Variants in FBLN2 observed in about 807,000 individuals in gnomAD.
FBLN2 encodes fibulin 2.
In FBLN2, 81 loss-of-function variants were observed where a neutral mutation model predicts 123.7. The observed-to-expected ratio is 0.65, with a 90% CI of 0.55 to 0.79. FBLN2 has a LOEUF of 0.79. Ranked by LOEUF, FBLN2 falls within the 30% of genes least tolerant of loss-of-function variation. FBLN2 has a pLI of 0.00. For missense variants in FBLN2, 1,603 were observed against 1,681.3 expected, an observed-to-expected ratio of 0.95 and a Z score of 0.81; for synonymous variants, 699 against 701.4, an observed-to-expected ratio of 1.00 and a Z score of 0.05.
At chr3:13,619,584 G>A (rs1301154867) in intron 7 of FBLN2, 146 bp from the exon 8 acceptor site, 6 of 659,948 alleles carry the variant, frequency 9.1e-6, no homozygotes, top group Admixed American at 8.8e-5. Flanking sequence ...GACCAGGAGT[G>A]GCGTTCCTTG....
chr3:13,631,130 C>G (rs3773256), intron 15 of FBLN2, among the ~76,000 whole-genome samples, 199 bp from the exon 16 acceptor site: 40,786 of 152,142 alleles, frequency 0.27, 6,093 homozygotes, highest in African/African-American at 0.39. Flanking sequence ...CGGAGCAGCC[C>G]TAGGGCATAA....
rs1705492166 is a variant in FBLN2 at position 13,614,019 on chromosome 3, G to A, written c.1584G>A (p.Val528=). The A allele has an allele frequency of 6.2e-7, 1 of 1,613,218 alleles. No homozygotes were observed. Among genetic ancestry groups the A allele is most frequent in the South Asian group, 1.1e-5 (1 of 91,080 alleles). Residue 528 remains valine, a synonymous_variant, in exon 5 of 18, where the codon GTG becomes GTA. Coordinates refer to ENST00000404922, the MANE Select transcript of FBLN2 (RefSeq NM_001004019.2). ...CCDCCGLGLR[V]RAEGQSCESN... is the part of the protein sequence containing the mutation. ...ACTGCTGTGGCCTGGGCCTCCGCGT[G>A]CGGGCCGAGGGCCAGTCGTGTGAGT...
intron 2 of FBLN2, among the ~76,000 whole-genome samples, chr3:13,599,652 A>T (rs1333790877): frequency 6.6e-6 from 1 of 151,648 alleles, no homozygotes; most frequent in East Asian, 1.9e-4. Context: ...TGGCTGGTGG[A>T]CTGAGATGCC....
intron 1 of FBLN2, among the ~76,000 whole-genome samples, chr3:13,564,427 C>T (rs756612630): frequency 6.6e-5 from 10 of 152,218 alleles, no homozygotes; most frequent in Non-Finnish European, 4.4e-5. Context: ...GCCATACTGG[C>T]GCCAACCTGA....
intron 1 of FBLN2, among the ~76,000 whole-genome samples, chr3:13,550,949 A>G (rs1703305422): frequency 6.6e-6 from 1 of 152,178 alleles, no homozygotes; most frequent in Non-Finnish European, 1.5e-5. Flanking sequence ...TTTCACGTAA[A>G]AGTCCGGATT....
At chr3:13,564,716 C>CT (rs1252169445) in intron 1 of FBLN2, among the ~76,000 whole-genome samples, 2 of 152,238 alleles carry the variant, frequency 1.3e-5, no homozygotes, top group Non-Finnish European at 2.9e-5. Flanking sequence ...GGGACCCCCC[C>CT]ACCTTTCCAC....
chr3:13,570,054 C>T (rs1015423779), intron 1 of FBLN2, among the ~76,000 whole-genome samples: 18 of 152,180 alleles, frequency 1.2e-4, no homozygotes, highest in African/African-American at 4.1e-4. Flanking sequence ...ATGGAGTGGC[C>T]CAGCAAACAC....
chr3:13,617,129 CCCAT>C (rs1350239356), intron 5 of FBLN2, among the ~76,000 whole-genome samples: 1 of 140,110 alleles, frequency 7.1e-6, no homozygotes, highest in African/African-American at 2.9e-5. Flanking sequence ...CATTCATTTG[CCCAT>C]CCATTCATCA....
intron 1 of FBLN2, 97 bp downstream of exon 1, chr3:13,549,305 C>T (rs976990911): frequency 4.2e-5 from 33 of 791,498 alleles, no homozygotes; most frequent in African/African-American, 1.5e-4. Context: ...GACGGCTCGG[C>T]GGACCCTCGG....
Position 13,618,143 on chromosome 3 carries a change from C to T in FBLN2, c.1797C>T (p.Ser599=), listed in dbSNP as rs1328415897. 1.9e-6 allele frequency: 3 copies of T among 1,613,666 alleles called. No homozygotes were observed. Among genetic ancestry groups the T allele is most frequent in the South Asian group, 1.1e-5 (1 of 91,088 alleles). ...GCACAGAGGCCGAGCTGCCGAACAGCCTGCCGGGCGATGACCAGGATGAGT... is the reference window on the plus strand; with the variant it reads ...GCACAGAGGCCGAGCTGCCGAACAGTCTGCCGGGCGATGACCAGGATGAGT... The part of the protein sequence containing the change: ...SLGTEAELPN[S]LPGDDQDECL... The change falls in exon 6 of 18, where the codon AGC becomes AGT. Residue 599 remains serine (S), a synonymous_variant. Coordinates refer to ENST00000404922, the MANE Select transcript of FBLN2 (RefSeq NM_001004019.2).
intron 2 of FBLN2, among the ~76,000 whole-genome samples, chr3:13,591,849 T>C (rs536982094): frequency 1.3e-5 from 2 of 152,156 alleles, no homozygotes; most frequent in Non-Finnish European, 2.9e-5. Flanking sequence ...GGAACTTGTT[T>C]CTGTGTATGG....
At chr3:13,633,264 G>A (rs901715550) in intron 16 of FBLN2, among the ~76,000 whole-genome samples, 6 of 152,220 alleles carry the variant, frequency 3.9e-5, no homozygotes, top group East Asian at 1.9e-4. Flanking sequence ...CCGCCACCCC[G>A]TCTCTGCATC....
chr3:13,599,823 T>C (rs896049814), intron 2 of FBLN2, among the ~76,000 whole-genome samples: 1 of 145,566 alleles, frequency 6.9e-6, no homozygotes, highest in East Asian at 2.1e-4. Context: ...GCTGGGGAAG[T>C]GCCAGGGAGA....
intron 16 of FBLN2, among the ~76,000 whole-genome samples, chr3:13,634,086 ACT>A (rs1196619046): frequency 1.3e-5 from 2 of 151,296 alleles, no homozygotes; most frequent in African/African-American, 2.4e-5. Context: ...TTTGAGCAGC[ACT>A]CTCGGTCTTG....
At chr3:13,596,235 T>A (rs1386052640) in intron 2 of FBLN2, among the ~76,000 whole-genome samples, 1 of 152,176 alleles carries the variant, frequency 6.6e-6, no homozygotes, top group Non-Finnish European at 1.5e-5. Flanking sequence ...CCTCCTGGGC[T>A]CAAGGCATCC....
At chr3:13,609,948 G>A (rs533188512) in intron 4 of FBLN2, among the ~76,000 whole-genome samples, 18 of 152,360 alleles carry the variant, frequency 1.2e-4, no homozygotes, top group African/African-American at 4.3e-4. Flanking sequence ...TGGCCAGGAA[G>A]ACAGAGGAAG....
In FBLN2 at chr3:13,627,972, G is replaced by A. The variant is rs1706108014; in HGVS notation, c.2569+3G>A. On this transcript the variant is annotated splice_donor_region_variant and intron_variant, in intron 11 of 17. Coordinates refer to ENST00000404922, the MANE Select transcript of FBLN2 (RefSeq NM_001004019.2). The stretch of plus-strand genomic sequence containing the variant: ...GGATCCTGAAGGCAACTGTGTGGGT[G>A]AGCGGGGGCTGCAGGGCTGGGGATC... 4.3e-6 allele frequency: 7 copies of A among 1,612,732 alleles called. No individual in the cohort carries two copies. The highest frequency in any genetic ancestry group is 5.9e-6 in the Non-Finnish European group (7 of 1,179,228).
chr3:13,569,584 G>A (rs1207438026), intron 1 of FBLN2, among the ~76,000 whole-genome samples: 1 of 151,956 alleles, frequency 6.6e-6, no homozygotes, highest in Admixed American at 6.6e-5. Context: ...GGACAGCAAG[G>A]CATCAGGATG....
chr3:13,602,837 A>C (rs1705076784), intron 2 of FBLN2, among the ~76,000 whole-genome samples: 1 of 151,992 alleles, frequency 6.6e-6, no homozygotes, highest in Admixed American at 6.6e-5. Flanking sequence ...TAGGAAGATG[A>C]AACCATAACA....
Sources: allele counts gnomAD v4.1 joint callset (sites outside exome capture counted in the v4.1 genomes callset), GRCh38; gene constraint gnomAD v4.1.1; transcripts MANE v1.5; gene names NCBI Gene and HGNC (gene_info 2026-07-23, HGNC 2026-07-21).